LIN52: variants seen among roughly 807,000 people sequenced by gnomAD.
The protein encoded by LIN52 is protein lin-52 homolog.
LIN52 carries 4 observed loss-of-function variants against 18.5 expected under a neutral mutation model. The observed-to-expected ratio is 0.22, with a 90% CI of 0.11 to 0.49. The LOEUF (loss-of-function observed/expected upper bound fraction) is 0.49, where lower values mean the gene tolerates loss of function less well. LIN52 is among the 20% of genes least tolerant of loss of function. LIN52 has a pLI of 0.97. For synonymous variants in LIN52, 34 were observed against 45.5 expected, an observed-to-expected ratio of 0.75 and a Z score of 1.02; for missense variants, 102 against 139.5, an observed-to-expected ratio of 0.73 and a Z score of 1.35.
chr14:74,184,662 G>A (rs1343930284), intron 5 of LIN52, among the ~76,000 whole-genome samples: 6 of 152,012 alleles, frequency 3.9e-5, no homozygotes, highest in Admixed American at 3.3e-4. Context: ...CTATTAAATC[G>A]GCAACTGTTT....
chr14:74,190,904 C>T (rs1167346585), intron 5 of LIN52, among the ~76,000 whole-genome samples: 1 of 152,216 alleles, frequency 6.6e-6, no homozygotes, highest in Non-Finnish European at 1.5e-5. Flanking sequence ...CCAAAAGACC[C>T]GTCCTCATCC....
intron 5 of LIN52, among the ~76,000 whole-genome samples, chr14:74,134,218 A>G (rs2061084897): frequency 6.6e-6 from 1 of 152,198 alleles, no homozygotes; most frequent in South Asian, 2.1e-4. Context: ...GATTTACAGC[A>G]GAGATAAACA....
intron 1 of LIN52, among the ~76,000 whole-genome samples, 198 bp from the exon 2 acceptor site, chr14:74,091,034 C>T (rs1228072560): frequency 6.6e-6 from 1 of 152,188 alleles, no homozygotes; most frequent in Non-Finnish European, 1.5e-5. Context: ...CATTCCCATT[C>T]ATAGATTGAA....
chr14:74,108,576 C>T (rs951891911), intron 5 of LIN52, among the ~76,000 whole-genome samples: 1 of 152,052 alleles, frequency 6.6e-6, no homozygotes, highest in African/African-American at 2.4e-5. Flanking sequence ...TAATTATTAT[C>T]ATGTCCATCA....
intron 5 of LIN52, among the ~76,000 whole-genome samples, chr14:74,161,489 A>G (rs936870674): frequency 1.3e-5 from 2 of 152,308 alleles, no homozygotes; most frequent in Admixed American, 1.3e-4. Context: ...GCCCGGTCTG[A>G]ACAGGGAAAA....
At chr14:74,096,722 G>A (rs1174852701) in intron 3 of LIN52, among the ~76,000 whole-genome samples, 1 of 151,880 alleles carries the variant, frequency 6.6e-6, no homozygotes, top group Non-Finnish European at 1.5e-5. Flanking sequence ...AAAATGCACT[G>A]TAACAAATGA....
intron 5 of LIN52, among the ~76,000 whole-genome samples, chr14:74,177,030 C>T (rs34026405): frequency 0.11 from 16,914 of 151,474 alleles, 1,240 homozygotes; most frequent in Admixed American, 0.19. Flanking sequence ...CTGAGTTTCC[C>T]TCTTGTTGCC....
intron 5 of LIN52, among the ~76,000 whole-genome samples, chr14:74,121,403 A>G (rs62005145): frequency 0.1 from 15,419 of 152,260 alleles, 853 homozygotes; most frequent in South Asian, 0.18. Context: ...TAAGTAAGTG[A>G]TGCAAGTTTT....
intron 5 of LIN52, chr14:74,174,390 G>A (rs1238624351): frequency 1.3e-5 from 2 of 152,324 alleles, no homozygotes; most frequent in East Asian, 3.9e-4. Flanking sequence ...ACTAGAGGCA[G>A]TTGGAACACA....
At chr14:74,114,320 A>G (rs1177387992) in intron 5 of LIN52, 2 of 985,308 alleles carry the variant, frequency 2.0e-6, no homozygotes, top group African/African-American at 3.5e-5. Context: ...ACACACCTTT[A>G]GGAGGCATTG....
intron 5 of LIN52, among the ~76,000 whole-genome samples, chr14:74,143,506 A>T (rs2061141072): frequency 6.6e-6 from 1 of 152,100 alleles, no homozygotes; most frequent in Admixed American, 6.5e-5. Context: ...GCGAGCTGTG[A>T]TTGCTCCACT....
intron 5 of LIN52, among the ~76,000 whole-genome samples, chr14:74,105,148 CA>C (rs2139890161): frequency 6.6e-6 from 1 of 152,176 alleles, no homozygotes; most frequent in African/African-American, 2.4e-5. Context: ...TAATGACTTT[CA>C]ATGGAATCAA....
intron 5 of LIN52, among the ~76,000 whole-genome samples, chr14:74,163,594 ACT>A (rs2061235540): frequency 6.6e-6 from 1 of 152,098 alleles, no homozygotes; most frequent in South Asian, 2.1e-4. Flanking sequence ...TTTAATGTAC[ACT>A]CTGGCTTTTC....
At chr14:74,096,485 ATG>A (rs2060813635) in intron 3 of LIN52, among the ~76,000 whole-genome samples, 1 of 151,776 alleles carries the variant, frequency 6.6e-6, no homozygotes, top group African/African-American at 2.4e-5. Context: ...GAGCCAATGT[ATG>A]TGTTTTTGTT....
At chr14:74,097,504 A>T (rs138057982) in intron 3 of LIN52, among the ~76,000 whole-genome samples, 1 of 149,532 alleles carries the variant, frequency 6.7e-6, no homozygotes, top group Non-Finnish European at 1.5e-5. Flanking sequence ...GTTCACTGCA[A>T]CCTCTGCCTC....
intron 5 of LIN52, among the ~76,000 whole-genome samples, chr14:74,150,098 G>A (rs1788956887): frequency 6.6e-6 from 1 of 152,136 alleles, no homozygotes; most frequent in Non-Finnish European, 1.5e-5. Context: ...GAAAACTTAG[G>A]CGGTATCTAC....
rs369917677 is a variant in LIN52, at chr14:74,123,328, A to C, written c.283+22090A>C. ...GGGTTCTATAAATCCTAGTAGGAGAATGGAAAGTTTTAGTGACTGATTGGA... is the reference window on the plus strand; with the variant it reads ...GGGTTCTATAAATCCTAGTAGGAGACTGGAAAGTTTTAGTGACTGATTGGA... On this transcript the variant is annotated intron_variant, in intron 5 of 5. Coordinates refer to ENST00000555028, the MANE Select transcript of LIN52 (RefSeq NM_001024674.3). Among the ~76,000 whole-genome samples, 37 of 152,348 alleles carry C rather than the reference A, an allele frequency of 2.4e-4. No individual in the cohort carries two copies. In the South Asian group the frequency reaches 7.7e-3, roughly 32 times the overall value.
chr14:74,120,591 C>T (rs1038363807), intron 5 of LIN52, among the ~76,000 whole-genome samples: 13 of 152,016 alleles, frequency 8.6e-5, no homozygotes, highest in African/African-American at 3.1e-4. Flanking sequence ...CCCGTCTCTA[C>T]TAAAAATACA....
At chr14:74,198,681 T>C (rs2078929231) in intron 5 of LIN52, among the ~76,000 whole-genome samples, 6 of 152,200 alleles carry the variant, frequency 3.9e-5, no homozygotes, top group Admixed American at 3.9e-4. Flanking sequence ...GATGATAAAA[T>C]CTTTCCCAGT....
Sources: gnomAD v4.1 joint callset for allele counts (sites outside exome capture counted in the v4.1 genomes callset) on GRCh38, gnomAD v4.1.1 for gene constraint, MANE v1.5 for transcripts, NCBI Gene and HGNC (gene_info 2026-07-23, HGNC 2026-07-21) for gene names.